RBM10: variants seen among roughly 807,000 people sequenced by gnomAD.
The protein encoded by RBM10 is RNA binding motif protein 10.
RBM10 carries 1 observed loss-of-function variant against 84.9 expected under a neutral mutation model. The ratio of observed to expected loss-of-function variants is 0.01; its 90% confidence interval spans 0.00 to 0.06. The LOEUF is 0.06. Among genes scored for constraint, RBM10 ranks in the 10% least tolerant of loss-of-function variants. The probability of loss-of-function intolerance (pLI) is 1.00; values close to 1 mark genes in which losing one functional copy is unlikely to be tolerated. For synonymous variants in RBM10, 326 were observed against 344.5 expected (o/e 0.95, Z 0.60); for missense variants, 438 against 839.0 (o/e 0.52, Z 5.90).
intron 6 of RBM10, among the ~76,000 whole-genome samples, chrX:47,176,100 C>T (rs953236834): frequency 8.9e-6 from 1 of 112,640 alleles, no homozygotes; most frequent in Non-Finnish European, 1.9e-5. Flanking sequence ...CGCTCTCTTT[C>T]TCTTTTTCTC....
intron 17 of RBM10, 91 bp downstream of exon 17, chrX:47,182,417 A>G: frequency 8.9e-7 from 1 of 1,122,213 alleles, no homozygotes. Flanking sequence ...CTGCCAAGGG[A>G]GATGGCGGGC....
chrX:47,147,590 A>G, intron 2 of RBM10, 92 bp downstream of exon 2: 1 of 1,069,947 alleles, frequency 9.3e-7, no homozygotes, highest in Non-Finnish European at 1.3e-6. Context: ...GCTTCTGGGT[A>G]GAGGAAACAG....
chrX:47,181,449 A>T, intron 13 of RBM10, 48 bp downstream of exon 13: 2 of 1,208,800 alleles, frequency 1.7e-6, no homozygotes, highest in Non-Finnish European at 2.2e-6. Context: ...GCCAGCAGGC[A>T]TAAAGTCCCC....
Sources: gnomAD v4.1 joint callset for allele counts (sites outside exome capture counted in the v4.1 genomes callset) on GRCh38, gnomAD v4.1.1 for gene constraint, MANE v1.5 for transcripts, NCBI Gene and HGNC (gene_info 2026-07-23, HGNC 2026-07-21) for gene names.